CACNA1C: variants seen among roughly 807,000 people sequenced by gnomAD.
CACNA1C encodes the protein calcium voltage-gated channel subunit alpha1 C.
In CACNA1C, 30 loss-of-function variants were observed where a neutral mutation model predicts 229.0. The observed-to-expected ratio is 0.13, with a 90% CI of 0.10 to 0.18. CACNA1C has a LOEUF of 0.18. CACNA1C is among the 10% of genes least tolerant of loss of function. CACNA1C has a pLI of 1.00. For missense variants in CACNA1C, 1,658 were observed against 2,845.0 expected, an observed-to-expected ratio of 0.58 and a Z score of 9.49; for synonymous variants, 1,114 against 1,132.5, an observed-to-expected ratio of 0.98 and a Z score of 0.33.
At chr12:2,453,126 C>G (rs148523569) in intron 4 of CACNA1C, among the ~76,000 whole-genome samples, 1 of 152,250 alleles carries the variant, frequency 6.6e-6, no homozygotes, top group Non-Finnish European at 1.5e-5. Context: ...GTCCAAGACA[C>G]AGACCAGATA....
rs2097794557 is a variant in CACNA1C, at chr12:2,691,989, C to T, written c.*790C>T. The stretch of plus-strand genomic sequence containing the variant: ...TTTTAAATGTTTTATTTTGCTTTCC[C>T]AGCGGGAGGGGAGGAAGAAGAGTGT... On this transcript the variant is annotated 3_prime_UTR_variant, in exon 47 of 47. Coordinates refer to ENST00000399655, the MANE Select transcript of CACNA1C (RefSeq NM_000719.7). 1 of 152,200 alleles carries T rather than the reference C, an allele frequency of 6.6e-6. No homozygotes were observed. The highest frequency in any genetic ancestry group is 2.4e-5 in the African/African-American group (1 of 41,452). 9.4% of individuals were successfully genotyped at this position (152,200 alleles called of 1,614,324 possible). A position where few individuals can be genotyped will look rare whatever the true frequency, so the allele number is the denominator to read the frequency against.
At chr12:2,582,633 G>T (rs1038341759) in intron 14 of CACNA1C, among the ~76,000 whole-genome samples, 189 bp from the exon 15 acceptor site, 2 of 152,214 alleles carry the variant, frequency 1.3e-5, no homozygotes, top group Non-Finnish European at 2.9e-5. Flanking sequence ...CCAATAGCCA[G>T]GCATTTTGTC....
intron 3 of CACNA1C, among the ~76,000 whole-genome samples, chr12:2,418,774 G>A (rs1006401201): frequency 6.6e-6 from 1 of 152,098 alleles, no homozygotes; most frequent in Non-Finnish European, 1.5e-5. Flanking sequence ...GGGAGGTGGG[G>A]TCCTACAACC....
At chr12:2,590,047 A>C (rs2064512948) in intron 18 of CACNA1C, among the ~76,000 whole-genome samples, 1 of 152,166 alleles carries the variant, frequency 6.6e-6, no homozygotes, top group Non-Finnish European at 1.5e-5. Flanking sequence ...CACTCCCTTC[A>C]GCTGGTAGCA....
intron 3 of CACNA1C, among the ~76,000 whole-genome samples, chr12:2,405,122 T>C (rs894900690): frequency 6.6e-6 from 1 of 152,254 alleles, no homozygotes; most frequent in Non-Finnish European, 1.5e-5. Context: ...AGATACATTC[T>C]ACTGATCCAA....
chr12:2,050,378 A>G (rs1443322389), upstream of CACNA1C, among the ~76,000 whole-genome samples: 1 of 152,184 alleles, frequency 6.6e-6, no homozygotes, highest in Non-Finnish European at 1.5e-5. Flanking sequence ...ACGATAACAC[A>G]TAGCTTATTG....
intron 3 of CACNA1C, among the ~76,000 whole-genome samples, chr12:2,158,898 A>G (rs2095686596): frequency 6.6e-6 from 1 of 152,226 alleles, no homozygotes; most frequent in African/African-American, 2.4e-5. Context: ...GGGGCCCTTC[A>G]TAGTCGTGAT....
At chr12:2,473,231 G>A (rs4765939) in intron 5 of CACNA1C, among the ~76,000 whole-genome samples, 1 of 151,832 alleles carries the variant, frequency 6.6e-6, no homozygotes, top group Non-Finnish European at 1.5e-5. Flanking sequence ...CCTTGTACCT[G>A]TACAACCCAG....
intron 7 of CACNA1C, among the ~76,000 whole-genome samples, chr12:2,501,126 A>C (rs1424557079): frequency 6.9e-6 from 1 of 144,958 alleles, no homozygotes; most frequent in Non-Finnish European, 1.5e-5. Context: ...GGAGAATGGC[A>C]TGAACCCAGG....
intron 29 of CACNA1C, chr12:2,614,619 A>G (rs946313476): frequency 1.3e-5 from 2 of 152,202 alleles, no homozygotes; most frequent in African/African-American, 4.8e-5. Flanking sequence ...TTCATTTCCC[A>G]CCATTAAGTA....
intron 24 of CACNA1C, among the ~76,000 whole-genome samples, chr12:2,606,332 A>G (rs900239247): frequency 3.3e-5 from 5 of 151,348 alleles, no homozygotes; most frequent in African/African-American, 1.2e-4. Context: ...CATCCCTCTG[A>G]GCCCAGCTCC....
intron 3 of CACNA1C, among the ~76,000 whole-genome samples, chr12:2,393,723 T>A (rs1007514045): frequency 2.6e-5 from 4 of 152,242 alleles, no homozygotes; most frequent in African/African-American, 9.6e-5. Context: ...GGTACTCGTT[T>A]TCTTACTAAG....
chr12:2,659,239 ATTTTTTACTGTTCC>A (rs1278482431), intron 34 of CACNA1C, among the ~76,000 whole-genome samples: 4 of 151,854 alleles, frequency 2.6e-5, no homozygotes, highest in African/African-American at 4.8e-5. Flanking sequence ...GTATTTAAAT[ATTTTTTACTGTTCC>A]TTTTTTACTG....
intron 1 of CACNA1C, among the ~76,000 whole-genome samples, chr12:2,104,875 TATTATGGCAAAA>T (rs2077605343): frequency 6.6e-6 from 1 of 152,220 alleles, no homozygotes; most frequent in African/African-American, 2.4e-5. Context: ...AGCATTTGGT[TATTATGGCAAAA>T]ATTATGGCAA....
chr12:2,500,009 TTCAGACCAGAG>T (rs1416157273), intron 7 of CACNA1C, among the ~76,000 whole-genome samples: 3 of 152,028 alleles, frequency 2.0e-5, no homozygotes, highest in Non-Finnish European at 2.9e-5. Context: ...GAACTTTCCT[TTCAGACCAGAG>T]CCAGGCAGGC....
chr12:2,310,128 G>A lies in CACNA1C; in HGVS notation c.478-138848G>A, dbSNP rs150683780. ...ACACTTGCCATACAAAGCCCTCTGC[G>A]ATGATTAGCTCATTTAACCCTTTAA... On this transcript the variant is annotated intron_variant, in intron 3 of 46. Transcript: ENST00000399655. Among the ~76,000 whole-genome samples the A allele has an allele frequency of 2.3e-3, 343 of 152,220 alleles. 1 individual carries two copies. The highest frequency in any genetic ancestry group is 7.7e-3 in the African/African-American group (319 of 41,522).
chr12:2,175,054 G>C (rs1045902329), intron 3 of CACNA1C, among the ~76,000 whole-genome samples: 2 of 152,104 alleles, frequency 1.3e-5, no homozygotes, highest in Admixed American at 6.5e-5. Context: ...GTTCAAACCT[G>C]TGTTGTTCAA....
At chr12:2,442,882 G>T (rs762758118) in intron 3 of CACNA1C, among the ~76,000 whole-genome samples, 4 of 152,152 alleles carry the variant, frequency 2.6e-5, no homozygotes, top group African/African-American at 4.8e-5. Context: ...AAGGGGATGG[G>T]CTAAGCCTTT....
At chr12:1,981,407 C>T (rs1235680843) in intron 1 of CACNA1C, among the ~76,000 whole-genome samples, 2 of 152,152 alleles carry the variant, frequency 1.3e-5, no homozygotes, top group African/African-American at 2.4e-5. Context: ...ACATTTAATG[C>T]AAGGAATTCA....
Sources: gnomAD v4.1 joint callset for allele counts (sites outside exome capture counted in the v4.1 genomes callset) on GRCh38, gnomAD v4.1.1 for gene constraint, MANE v1.5 for transcripts, NCBI Gene and HGNC (gene_info 2026-07-23, HGNC 2026-07-21) for gene names.